The following CDC42SE2 variants were observed in gnomAD, a reference collection of about 807,000 sequenced individuals.
CDC42SE2 encodes CDC42 small effector 2, also known as CDC42 small effector protein 2.
A neutral mutation model predicts 11.5 loss-of-function variants in CDC42SE2; 3 were observed. The observed-to-expected ratio is 0.26, with a 90% CI of 0.12 to 0.67. The LOEUF (loss-of-function observed/expected upper bound fraction) is 0.67. Ranked by LOEUF, CDC42SE2 falls within the 30% of genes least tolerant of loss-of-function variation. The probability of loss-of-function intolerance (pLI) is 0.80; values close to 1 mark genes in which losing one functional copy is unlikely to be tolerated. For missense variants in CDC42SE2, 82 were observed against 106.8 expected, an observed-to-expected ratio of 0.77 and a Z score of 1.02; for synonymous variants, 33 against 34.8, an observed-to-expected ratio of 0.95 and a Z score of 0.18.
chr5:131,336,886 AG>A (rs1758578797), intron 2 of CDC42SE2, among the ~76,000 whole-genome samples: 1 of 152,012 alleles, frequency 6.6e-6, no homozygotes, highest in Non-Finnish European at 1.5e-5. Flanking sequence ...TTTTTTTCAA[AG>A]TTTTTAACTT....
chr5:131,294,104 A>G (rs1757520181), intron 1 of CDC42SE2, among the ~76,000 whole-genome samples: 1 of 152,202 alleles, frequency 6.6e-6, no homozygotes, highest in African/African-American at 2.4e-5. Context: ...ACTACATACA[A>G]GGATGCAGAG....
the CDC42SE2 span, among the ~76,000 whole-genome samples, chr5:131,231,831 G>A: frequency 4.1e-3 from 618 of 149,456 alleles, 6 homozygotes; most frequent in African/African-American, 0.014. Context: ...TCACTCTGTC[G>A]CCCAGGCTGG....
At chr5:131,275,826 A>G (rs192124045) in intron 1 of CDC42SE2, among the ~76,000 whole-genome samples, 1 of 152,060 alleles carries the variant, frequency 6.6e-6, no homozygotes, top group African/African-American at 2.4e-5. Flanking sequence ...GTCTACAAAA[A>G]GTTATTAGTA....
intron 2 of CDC42SE2, among the ~76,000 whole-genome samples, chr5:131,338,732 A>ATT (rs1331731275): frequency 6.6e-6 from 1 of 152,206 alleles, no homozygotes; most frequent in Non-Finnish European, 1.5e-5. Context: ...GGGATCCAGA[A>ATT]TTCAAACTTA....
chr5:131,323,259 C>G (rs1758231687), intron 2 of CDC42SE2, among the ~76,000 whole-genome samples: 1 of 151,424 alleles, frequency 6.6e-6, no homozygotes, highest in Non-Finnish European at 1.5e-5. Context: ...CTCCTGGGCT[C>G]GAGCAATCCT....
At chr5:131,330,146 T>C (rs1758390498) in intron 2 of CDC42SE2, among the ~76,000 whole-genome samples, 1 of 152,218 alleles carries the variant, frequency 6.6e-6, no homozygotes, top group South Asian at 2.1e-4. Flanking sequence ...TCCGGTGATT[T>C]GGCTAGGAAG....
chr5:131,250,117 T>C (rs1160045586), intron 1 of CDC42SE2, among the ~76,000 whole-genome samples: 1 of 152,228 alleles, frequency 6.6e-6, no homozygotes, highest in East Asian at 1.9e-4. Flanking sequence ...ACAATTCTAC[T>C]GTTAGGTATA....
intron 2 of CDC42SE2, among the ~76,000 whole-genome samples, chr5:131,333,534 T>C (rs1485705555): frequency 3.3e-5 from 5 of 152,228 alleles, no homozygotes. Context: ...GGGGATGGCA[T>C]TGAATCTATA....
At chr5:131,297,157 CTT>C (rs5871416) in intron 1 of CDC42SE2, among the ~76,000 whole-genome samples, 87,299 of 136,482 alleles carry the variant, frequency 0.64, 27,240 homozygotes, top group Non-Finnish European at 0.72. Flanking sequence ...ACTTTATATT[CTT>C]TTTTTTTTTT....
intron 3 of CDC42SE2, among the ~76,000 whole-genome samples, chr5:131,370,018 C>A (rs1358094857): frequency 6.6e-6 from 1 of 152,058 alleles, no homozygotes; most frequent in Non-Finnish European, 1.5e-5. Context: ...TCCATGTCAG[C>A]CTATATATGA....
At chr5:131,326,106 A>AC (rs1758295656) in intron 2 of CDC42SE2, among the ~76,000 whole-genome samples, 2 of 143,486 alleles carry the variant, frequency 1.4e-5, no homozygotes, top group African/African-American at 2.5e-5. Context: ...TACAAACGAG[A>AC]TTTTTTTTTT....
intron 1 of CDC42SE2, among the ~76,000 whole-genome samples, chr5:131,270,066 C>CAA (rs1012797436): frequency 1.4e-5 from 2 of 144,004 alleles, no homozygotes; most frequent in African/African-American, 5.2e-5. Context: ...CTCAAAAAAA[C>CAA]AAAAAAACAA....
chr5:131,250,769 G>C (rs991246394), intron 1 of CDC42SE2, among the ~76,000 whole-genome samples: 1 of 152,172 alleles, frequency 6.6e-6, no homozygotes, highest in South Asian at 2.1e-4. Context: ...GGCCAGGCGT[G>C]GTGGCTCTAT....
intron 2 of CDC42SE2, among the ~76,000 whole-genome samples, chr5:131,349,584 G>C (rs1220478902): frequency 2.6e-5 from 4 of 152,158 alleles, no homozygotes; most frequent in Non-Finnish European, 5.9e-5. Flanking sequence ...GCAGGGAATT[G>C]GTGCCCCTAA....
intron 1 of CDC42SE2, among the ~76,000 whole-genome samples, chr5:131,302,990 C>G (rs567806549): frequency 6.6e-6 from 1 of 152,254 alleles, no homozygotes; most frequent in African/African-American, 2.4e-5. Flanking sequence ...ACAGCACCAG[C>G]AAATAATAGC....
At chr5:131,369,551 A>G (rs1377314329) in intron 3 of CDC42SE2, among the ~76,000 whole-genome samples, 2 of 152,214 alleles carry the variant, frequency 1.3e-5, no homozygotes, top group South Asian at 2.1e-4. Context: ...TGAGTGTTCC[A>G]TTGTGCCATA....
chr5:131,350,476 A>G lies in CDC42SE2; in HGVS notation c.-285-8733A>G, dbSNP rs139131763. Among the ~76,000 whole-genome samples the G allele has an allele frequency of 4.1e-3, 629 of 152,214 alleles. 4 individuals carry two copies. The highest frequency in any genetic ancestry group is 0.013 in the African/African-American group (545 of 41,570). ...GGGATGATTGATTCATAATCCTGAG[A>G]TAAAGAAATGTTTCTTAAGTAAGAT... On this transcript the variant is annotated intron_variant, in intron 2 of 4. Coordinates refer to ENST00000505065, the MANE Select transcript of CDC42SE2 (RefSeq NM_001375635.1).
intron 2 of CDC42SE2, among the ~76,000 whole-genome samples, chr5:131,316,671 G>T (rs544654408): frequency 1.3e-5 from 2 of 152,326 alleles, no homozygotes; most frequent in Non-Finnish European, 2.9e-5. Flanking sequence ...TAGATGTGAT[G>T]TGTGGAAGTG....
intron 1 of CDC42SE2, among the ~76,000 whole-genome samples, chr5:131,267,933 T>G (rs539139962): frequency 6.6e-6 from 1 of 152,136 alleles, no homozygotes; most frequent in African/African-American, 2.4e-5. Flanking sequence ...TCATGAAAAA[T>G]ATTTTAACAT....
Sources: gnomAD v4.1 joint callset for allele counts (sites outside exome capture counted in the v4.1 genomes callset) on GRCh38, gnomAD v4.1.1 for gene constraint, MANE v1.5 for transcripts, NCBI Gene and HGNC (gene_info 2026-07-23, HGNC 2026-07-21) for gene names.